NEGR1: variants seen among roughly 807,000 people sequenced by gnomAD.
The protein encoded by NEGR1 is IgLON family member 4.
NEGR1 carries 10 observed loss-of-function variants against 40.9 expected under a neutral mutation model. The ratio of observed to expected loss-of-function variants is 0.24; its 90% CI spans 0.15 to 0.42. The LOEUF (loss-of-function observed/expected upper bound fraction) is 0.42, where lower values mean the gene tolerates loss of function less well. Among genes scored for constraint, NEGR1 ranks in the 10% least tolerant of loss-of-function variants. The probability of loss-of-function intolerance (pLI) is 1.00; values close to 1 mark genes in which losing one functional copy is unlikely to be tolerated. For synonymous variants in NEGR1, 185 were observed against 166.8 expected (o/e 1.11, Z -0.84); for missense variants, 352 against 438.9 (o/e 0.80, Z 1.77).
intron 1 of NEGR1, among the ~76,000 whole-genome samples, chr1:72,030,116 T>C (rs1047368229): frequency 2.0e-5 from 3 of 151,792 alleles, no homozygotes; most frequent in Admixed American, 6.6e-5. Context: ...GTCAAACCAA[T>C]GTTCTCTGGT....
intron 3 of NEGR1, among the ~76,000 whole-genome samples, chr1:71,756,407 C>T: frequency 2.2e-5 from 1 of 45,744 alleles, no homozygotes; most frequent in East Asian, 1.7e-3. Flanking sequence ...AAAACAAAAA[C>T]AAACAAAAAA....
At position 72,231,309 on chromosome 1, in the gene NEGR1, C is replaced by T. The variant is rs138352887; in HGVS notation, c.176+51010G>A. On this transcript the variant is annotated intron_variant, in intron 1 of 6. Transcript: ENST00000357731. ...CCTCTTTACAACCTTTTAAAAGTTG[C>T]CTCCTCTATTAATTATTTTGATTAA... is the stretch of plus-strand genomic sequence containing the variant. Among the ~76,000 whole-genome samples the T allele has an allele frequency of 2.9e-3, 438 of 152,156 alleles. 1 individual carries two copies. Among genetic ancestry groups the T allele is most frequent in the Non-Finnish European group, 5.3e-3 (362 of 67,994 alleles).
chr1:72,179,628 A>G (rs562414805), intron 1 of NEGR1, among the ~76,000 whole-genome samples: 15 of 152,108 alleles, frequency 9.9e-5, no homozygotes, highest in Admixed American at 4.6e-4. Flanking sequence ...ATCTATAAGC[A>G]TATTGACTAA....
intron 6 of NEGR1, among the ~76,000 whole-genome samples, chr1:71,417,062 C>T (rs1646360670): frequency 1.3e-5 from 2 of 152,144 alleles, no homozygotes; most frequent in African/African-American, 4.8e-5. Flanking sequence ...TCTGTGCTTC[C>T]ATCTCTATGT....
At chr1:71,927,758 T>A (rs1344052214) in intron 2 of NEGR1, among the ~76,000 whole-genome samples, 1 of 131,488 alleles carries the variant, frequency 7.6e-6, no homozygotes, top group African/African-American at 2.9e-5. Flanking sequence ...CCGAGGTGGG[T>A]AGATCGCCTG....
intron 1 of NEGR1, among the ~76,000 whole-genome samples, chr1:72,043,769 G>A (rs770498957): frequency 3.3e-5 from 5 of 151,716 alleles, no homozygotes; most frequent in Non-Finnish European, 7.4e-5. Flanking sequence ...TTGAATTCGC[G>A]GGGAAAAGCA....
At chr1:72,203,282 A>T (rs2100450100) in intron 1 of NEGR1, among the ~76,000 whole-genome samples, 1 of 152,224 alleles carries the variant, frequency 6.6e-6, no homozygotes, top group South Asian at 2.1e-4. Context: ...GGGGGAAGTC[A>T]AAATATCAGT....
chr1:71,931,919 A>T (rs1645858973), intron 2 of NEGR1, among the ~76,000 whole-genome samples: 1 of 152,174 alleles, frequency 6.6e-6, no homozygotes, highest in Non-Finnish European at 1.5e-5. Context: ...CTTAGTAAAT[A>T]TATCACATAG....
chr1:71,571,530 C>T (rs925716361), intron 6 of NEGR1, among the ~76,000 whole-genome samples: 6 of 152,180 alleles, frequency 3.9e-5, no homozygotes, highest in Non-Finnish European at 8.8e-5. Flanking sequence ...TGGCTCATGC[C>T]TGTAATCCCA....
At chr1:71,512,992 A>T (rs1647086998) in intron 6 of NEGR1, among the ~76,000 whole-genome samples, 1 of 152,222 alleles carries the variant, frequency 6.6e-6, no homozygotes, top group Admixed American at 6.5e-5. Flanking sequence ...TACTATACAT[A>T]TAACATCGAC....
In NEGR1 at chr1:71,592,952, G is replaced by C. The variant is rs780342680; in HGVS notation, c.805C>G (p.Gln269Glu). The change falls in exon 6 of 7, where the codon CAA becomes GAA. Residue 269 changes from glutamine to glutamate, a missense_variant. By Grantham distance (29) the Gln-to-Glu change is conservative. Around this residue, in one of 5 missense-constraint regions of NEGR1, gnomAD observed 184 missense variants for 208.7 expected, o/e 0.88. Transcript: ENST00000357731. ...KGEKKLFNGQQGIIIQNFSTR... is the reference protein window; with the variant it reads ...KGEKKLFNGQEGIIIQNFSTR... Reference sequence around the variant, plus strand: ...CTAAAATTTTGAATAATAATTCCTTGTTGGCCATTGAAGAGCCTAGAAGAC... The same window carrying C: ...CTAAAATTTTGAATAATAATTCCTTCTTGGCCATTGAAGAGCCTAGAAGAC... 5 of 1,610,904 alleles carry C rather than the reference G, an allele frequency of 3.1e-6. No individual in the cohort carries two copies. Among genetic ancestry groups the C allele is most frequent in the African/African-American group, 1.3e-5 (1 of 74,952 alleles).
chr1:71,457,968 C>T (rs1646685811), intron 6 of NEGR1, among the ~76,000 whole-genome samples: 1 of 152,174 alleles, frequency 6.6e-6, no homozygotes, highest in Non-Finnish European at 1.5e-5. Flanking sequence ...TCCCAAAGTG[C>T]TGGGATTACA....
intron 1 of NEGR1, among the ~76,000 whole-genome samples, chr1:72,261,929 T>C (rs1655471125): frequency 6.6e-6 from 1 of 152,020 alleles, no homozygotes; most frequent in Admixed American, 6.6e-5. Flanking sequence ...TTTATTTGGG[T>C]GATGTATACA....
intron 2 of NEGR1, among the ~76,000 whole-genome samples, chr1:71,854,769 G>A (rs188383601): frequency 4.1e-4 from 62 of 152,148 alleles, no homozygotes; most frequent in Non-Finnish European, 8.1e-4. Flanking sequence ...AAAACCATTA[G>A]ATCTTGTGAG....
In NEGR1 at chr1:71,840,298, C is replaced by G. The variant is rs113969486; in HGVS notation, c.410-64001G>C. ...GCTGCCATAAACACTCTAAAGTGTT[C>G]AGAATTACCACATCATTAGAGATAT... On this transcript the variant is annotated intron_variant, in intron 2 of 6. Coordinates refer to ENST00000357731, the MANE Select transcript of NEGR1 (RefSeq NM_173808.3). Among the ~76,000 whole-genome samples, 841 of 152,034 alleles carry G rather than the reference C, an allele frequency of 5.5e-3. 11 individuals are homozygous for G. Among genetic ancestry groups the G allele is most frequent in the African/African-American group, 0.019 (807 of 41,492 alleles).
intron 1 of NEGR1, among the ~76,000 whole-genome samples, chr1:72,084,442 C>A (rs1445614084): frequency 6.6e-6 from 1 of 152,122 alleles, no homozygotes; most frequent in Non-Finnish European, 1.5e-5. Flanking sequence ...TCTCTAGAAC[C>A]CTTAATGCTC....
At chr1:71,533,510 T>A (rs1244383249) in intron 6 of NEGR1, among the ~76,000 whole-genome samples, 1 of 151,672 alleles carries the variant, frequency 6.6e-6, no homozygotes, top group Non-Finnish European at 1.5e-5. Flanking sequence ...CATATCCCTA[T>A]ACATCTCACA....
intron 1 of NEGR1, among the ~76,000 whole-genome samples, chr1:72,237,642 A>C (rs561447422): frequency 6.6e-6 from 1 of 152,076 alleles, no homozygotes; most frequent in Non-Finnish European, 1.5e-5. Flanking sequence ...CATATTCCAG[A>C]GCATTATAAA....
chr1:71,636,759 C>T (rs1008282219), intron 4 of NEGR1, among the ~76,000 whole-genome samples: 2 of 151,984 alleles, frequency 1.3e-5, no homozygotes, highest in Non-Finnish European at 2.9e-5. Context: ...TAACTGAATG[C>T]TATTCAATGG....
Sources: allele counts gnomAD v4.1 joint callset (sites outside exome capture counted in the v4.1 genomes callset), GRCh38; gene constraint gnomAD v4.1.1; regional missense constraint gnomAD v4.1.1; transcripts MANE v1.5; gene names NCBI Gene and HGNC (gene_info 2026-07-23, HGNC 2026-07-21).